The following LRRC7 variants were observed in gnomAD, a reference collection of about 807,000 sequenced individuals.
LRRC7 encodes the protein leucine rich repeat containing 7.
In LRRC7, 23 loss-of-function variants were observed where a neutral mutation model predicts 175.7. That is an observed-to-expected ratio of 0.13 (90% CI 0.09 to 0.19). The LOEUF (loss-of-function observed/expected upper bound fraction) is 0.19, where lower values mean the gene tolerates loss of function less well. LRRC7 is among the 10% of genes least tolerant of loss of function. The pLI is 1.00. For synonymous variants in LRRC7, 685 were observed against 680.9 expected (o/e 1.01, Z -0.09); for missense variants, 1,354 against 1,904.7 (o/e 0.71, Z 5.38).
intron 3 of LRRC7, among the ~76,000 whole-genome samples, chr1:69,768,677 T>C (rs1283698894): frequency 6.6e-6 from 1 of 152,176 alleles, no homozygotes; most frequent in Non-Finnish European, 1.5e-5. Flanking sequence ...AGTTAGAGCA[T>C]ATCTGCATAT....
At chr1:69,878,463 G>A (rs1488037063) in intron 7 of LRRC7, among the ~76,000 whole-genome samples, 1 of 152,150 alleles carries the variant, frequency 6.6e-6, no homozygotes, top group Non-Finnish European at 1.5e-5. Flanking sequence ...ATGCACGACT[G>A]ATTTAAGAAT....
At chr1:70,055,973 AT>A (rs1421157930) in intron 23 of LRRC7, among the ~76,000 whole-genome samples, 2 of 152,218 alleles carry the variant, frequency 1.3e-5, no homozygotes, top group African/African-American at 2.4e-5. Context: ...CAAGCTTCTA[AT>A]GTGGTCAAGT....
chr1:70,089,129 G>A (rs1663831897), intron 24 of LRRC7, among the ~76,000 whole-genome samples: 2 of 152,038 alleles, frequency 1.3e-5, no homozygotes, highest in South Asian at 4.2e-4. Flanking sequence ...AGGAGCTGCT[G>A]CTAGACTTGA....
rs1395398523 is a variant in LRRC7, at chr1:70,020,779, A to G, written c.1421-226A>G. The G allele has an allele frequency of 7.4e-6, 2 of 271,748 alleles. 1 individual carries two copies. Among genetic ancestry groups the G allele is most frequent in the African/African-American group, 4.5e-5 (2 of 44,148 alleles). 16.8% of individuals were successfully genotyped at this position (271,748 alleles called of 1,614,324 possible). A position where few individuals can be genotyped will look rare whatever the true frequency, so the allele number is the denominator to read the frequency against. ...ACTAGAAAATTTCCCGATCCTGAGT[A>G]TTTTAGGAATACTGAATTTGAGTTA... On this transcript the variant is annotated intron_variant, in intron 15 of 26. Coordinates refer to ENST00000651989, the MANE Select transcript of LRRC7 (RefSeq NM_001370785.2).
intron 1 of LRRC7, among the ~76,000 whole-genome samples, chr1:69,624,804 C>T (rs1421887682): frequency 6.6e-6 from 1 of 152,118 alleles, no homozygotes; most frequent in African/African-American, 2.4e-5. Flanking sequence ...TGTTGCTAAT[C>T]AAAGTCCACA....
At chr1:69,813,426 G>A (rs1678197225) in intron 4 of LRRC7, among the ~76,000 whole-genome samples, 1 of 152,012 alleles carries the variant, frequency 6.6e-6, no homozygotes, top group South Asian at 2.1e-4. Context: ...CTAGTCCATT[G>A]ACTCTCCCTC....
rs889081755 is a variant in LRRC7 at position 69,686,147 on chromosome 1, C to G, written c.100+7669C>G. Among the ~76,000 whole-genome samples the G allele has an allele frequency of 6.9e-4, 105 of 152,184 alleles. 1 individual carries two copies. Among genetic ancestry groups the G allele is most frequent in the East Asian group, 3.9e-4 (2 of 5,174 alleles). On this transcript the variant is annotated intron_variant, in intron 2 of 26. Transcript: ENST00000651989. ...GAATTGTCAACTCTGAATCCTATAT[C>G]CAACTAAACCATCCTTCAGCAATGA...
intron 8 of LRRC7, among the ~76,000 whole-genome samples, chr1:69,939,110 T>C (rs1481826110): frequency 6.7e-6 from 1 of 149,492 alleles, no homozygotes; most frequent in Non-Finnish European, 1.5e-5. Flanking sequence ...ATGAAACTTA[T>C]TTTTGAAGTT....
At chr1:69,927,385 T>A (rs1466846123) in intron 7 of LRRC7, among the ~76,000 whole-genome samples, 1 of 152,232 alleles carries the variant, frequency 6.6e-6, no homozygotes, top group Non-Finnish European at 1.5e-5. Context: ...TTCTCCTGGA[T>A]AATATCCTGC....
At chr1:69,932,883 T>A (rs1647531269) in intron 8 of LRRC7, among the ~76,000 whole-genome samples, 1 of 152,256 alleles carries the variant, frequency 6.6e-6, no homozygotes, top group Non-Finnish European at 1.5e-5. Context: ...TGGGCTGCTG[T>A]CTGCAGCTGA....
chr1:69,948,761 T>C lies in LRRC7; in HGVS notation c.711+17191T>C, dbSNP rs200300558. Among the ~76,000 whole-genome samples the C allele has an allele frequency of 5.0e-4, 76 of 152,266 alleles. 1 individual carries two copies. Among genetic ancestry groups the C allele is most frequent in the Admixed American group, 4.5e-3 (69 of 15,286 alleles). On this transcript the variant is annotated intron_variant, in intron 8 of 26. Coordinates refer to ENST00000651989, the MANE Select transcript of LRRC7 (RefSeq NM_001370785.2). ...CCACCATCTCCTCCAGCCATTGATA[T>C]AGGATTCTTAAGGCCTAAAGCTTTA...
At chr1:69,841,159 T>C (rs1681684478) in intron 7 of LRRC7, among the ~76,000 whole-genome samples, 1 of 151,978 alleles carries the variant, frequency 6.6e-6, no homozygotes, top group Non-Finnish European at 1.5e-5. Context: ...GGTTGGCAAA[T>C]GGGTTTCTCA....
At chr1:69,863,201 G>A (rs528736879) in intron 7 of LRRC7, among the ~76,000 whole-genome samples, 113 of 152,264 alleles carry the variant, frequency 7.4e-4, no homozygotes, top group South Asian at 6.4e-3. Context: ...CCCAGAGGCT[G>A]ACTCCTTTTT....
At chr1:70,095,715 A>C (rs1291070889) in intron 25 of LRRC7, among the ~76,000 whole-genome samples, 1 of 152,190 alleles carries the variant, frequency 6.6e-6, no homozygotes, top group Non-Finnish European at 1.5e-5. Context: ...CTGGGGCATA[A>C]ATGTGAAAAA....
chr1:69,963,863 G>T (rs773305436), intron 8 of LRRC7, among the ~76,000 whole-genome samples: 9 of 152,174 alleles, frequency 5.9e-5, no homozygotes, highest in African/African-American at 1.7e-4. Context: ...TAACATCCAT[G>T]AGGGTTTGTC....
chr1:70,039,379 A>G lies in LRRC7; in HGVS notation c.3555A>G (p.Pro1185=). ...CAACTGATAGGTACGGCAGACCCCC[A>G]TATAGGGGAGGGCTGGATCGCCAAA... ...LPPTDRYGRP[P]YRGGLDRQSS... Residue 1185 remains proline (P), a synonymous_variant, in exon 21 of 27, where the codon CCA becomes CCG. Transcript: ENST00000651989. The G allele has an allele frequency of 6.2e-7, 1 of 1,614,042 alleles. No individual in the cohort carries two copies. The highest frequency in any genetic ancestry group is 1.3e-5 in the African/African-American group (1 of 75,032).
At chr1:69,720,286 T>C (rs1055941646) in intron 2 of LRRC7, among the ~76,000 whole-genome samples, 26 of 151,614 alleles carry the variant, frequency 1.7e-4, no homozygotes, top group African/African-American at 6.3e-4. Flanking sequence ...CTTATACTGT[T>C]CTTATAGTGG....
intron 20 of LRRC7, 43 bp from the exon 21 acceptor site, chr1:70,038,070 A>T (rs1300644771): frequency 6.5e-7 from 1 of 1,542,416 alleles, no homozygotes. Context: ...CAAAGACCCA[A>T]CTCTTCGTCC....
chr1:69,805,115 T>A (rs1055066524), intron 4 of LRRC7, among the ~76,000 whole-genome samples: 1 of 151,686 alleles, frequency 6.6e-6, no homozygotes, highest in Non-Finnish European at 1.5e-5. Context: ...GGGAAAAAAA[T>A]CATTATTGTT....
Sources: allele counts gnomAD v4.1 joint callset (sites outside exome capture counted in the v4.1 genomes callset), GRCh38; gene constraint gnomAD v4.1.1; transcripts MANE v1.5; gene names NCBI Gene and HGNC (gene_info 2026-07-23, HGNC 2026-07-21).